CDK14: variants seen among roughly 807,000 people sequenced by gnomAD.
CDK14 encodes the protein cyclin dependent kinase 14.
CDK14 carries 34 observed loss-of-function variants against 60.7 expected under a neutral mutation model. That is an observed-to-expected ratio of 0.56 (90% CI 0.43 to 0.75). The LOEUF is 0.75. CDK14 is among the 30% of genes least tolerant of loss of function. CDK14 has a pLI of 0.00. For synonymous variants in CDK14, 197 were observed against 203.7 expected (o/e 0.97, Z 0.28); for missense variants, 482 against 564.1 (o/e 0.85, Z 1.47).
intron 6 of CDK14, among the ~76,000 whole-genome samples, chr7:90,898,325 G>A (rs1183691543): frequency 1.3e-5 from 2 of 152,050 alleles, no homozygotes; most frequent in South Asian, 2.1e-4. Context: ...GCTAATTTCT[G>A]CATTGTATCC....
intron 5 of CDK14, among the ~76,000 whole-genome samples, chr7:90,799,383 T>A (rs73220817): frequency 0.14 from 20,855 of 152,076 alleles, 1,679 homozygotes; most frequent in Middle Eastern, 0.24. Context: ...CGCTAGCATG[T>A]GGTAGAGCTA....
chr7:90,763,121 G>A (rs1005974832), intron 4 of CDK14, among the ~76,000 whole-genome samples: 13 of 151,360 alleles, frequency 8.6e-5, no homozygotes, highest in Admixed American at 5.3e-4. Flanking sequence ...CAACTTTATT[G>A]TATACACACC....
chr7:90,623,797 A>T (rs186116159), intron 2 of CDK14, among the ~76,000 whole-genome samples: 1 of 152,228 alleles, frequency 6.6e-6, no homozygotes, highest in Admixed American at 6.5e-5. Context: ...ATCAGTGCTT[A>T]TTATCTCTCA....
At chr7:90,649,366 T>TTCCTTCCTTTCCTTCC (rs1491135766) in intron 2 of CDK14, among the ~76,000 whole-genome samples, 1 of 22,178 alleles carries the variant, frequency 4.5e-5, no homozygotes, top group Non-Finnish European at 7.1e-5. Flanking sequence ...CCTTCCTTCC[T>TTCCTTCCTTTCCTTCC]TTCCTTCCTT....
chr7:90,768,957 TTC>T (rs2116885492), intron 4 of CDK14, among the ~76,000 whole-genome samples: 1 of 152,230 alleles, frequency 6.6e-6, no homozygotes, highest in South Asian at 2.1e-4. Flanking sequence ...TATAGCTACA[TTC>T]CAGGCTTTTT....
chr7:90,652,530 C>G (rs1394159727), intron 2 of CDK14, among the ~76,000 whole-genome samples: 1 of 152,180 alleles, frequency 6.6e-6, no homozygotes, highest in Non-Finnish European at 1.5e-5. Flanking sequence ...AATGACTCAG[C>G]TCTTGCCTGC....
At chr7:90,673,039 A>T (rs1801129133) in intron 2 of CDK14, among the ~76,000 whole-genome samples, 1 of 152,104 alleles carries the variant, frequency 6.6e-6, no homozygotes, top group Non-Finnish European at 1.5e-5. Flanking sequence ...CAGTAAATTT[A>T]CTAGTAAGGA....
At chr7:91,058,728 C>G (rs1797671158) in intron 11 of CDK14, among the ~76,000 whole-genome samples, 1 of 152,194 alleles carries the variant, frequency 6.6e-6, no homozygotes, top group Non-Finnish European at 1.5e-5. Context: ...ATATGTTGAA[C>G]CAGCCTTGCA....
intron 14 of CDK14, among the ~76,000 whole-genome samples, chr7:91,176,872 C>T (rs1263259703): frequency 3.3e-5 from 5 of 152,070 alleles, no homozygotes; most frequent in Non-Finnish European, 5.9e-5. Flanking sequence ...CCGAATTCTA[C>T]CAGAGGTACA....
At chr7:91,182,107 C>G (rs542221524) in intron 14 of CDK14, among the ~76,000 whole-genome samples, 1 of 152,108 alleles carries the variant, frequency 6.6e-6, no homozygotes, top group South Asian at 2.1e-4. Context: ...TTTCTACACA[C>G]TGGAAATTAT....
intron 9 of CDK14, among the ~76,000 whole-genome samples, chr7:90,973,477 A>G (rs2117637213): frequency 6.6e-6 from 1 of 152,230 alleles, no homozygotes; most frequent in African/African-American, 2.4e-5. Context: ...GTTTTCTGAC[A>G]TTTTCATTGC....
At position 91,165,413 on chromosome 7, in the gene CDK14, G is replaced by T. The variant is rs188951096; in HGVS notation, c.*29-41752G>T. On this transcript the variant is annotated intron_variant, in intron 14 of 14. Coordinates refer to ENST00000380050, the MANE Select transcript of CDK14 (RefSeq NM_001287135.2). Reference sequence around the variant, plus strand: ...ATACATGAGTTTTGGGCTAAACCTTGTCACTAACTAGCTGTGGCCTTGAGC... The same window carrying T: ...ATACATGAGTTTTGGGCTAAACCTTTTCACTAACTAGCTGTGGCCTTGAGC... Among the ~76,000 whole-genome samples, 13 of 152,300 alleles carry T rather than the reference G, an allele frequency of 8.5e-5. No homozygotes were observed. In the East Asian group the frequency reaches 2.5e-3, roughly 29 times the overall value.
chr7:90,938,577 T>G, intron 8 of CDK14, among the ~76,000 whole-genome samples: 1 of 152,304 alleles, frequency 6.6e-6, no homozygotes, highest in East Asian at 1.9e-4. Flanking sequence ...GTCAATAATT[T>G]TTTTTAAAAA....
intron 5 of CDK14, among the ~76,000 whole-genome samples, chr7:90,814,573 G>GGCT (rs1422548627): frequency 1.3e-5 from 2 of 152,048 alleles, no homozygotes; most frequent in East Asian, 3.9e-4. Context: ...GCTGAGGTCA[G>GGCT]GAGTTCGAGA....
At chr7:90,821,046 A>G (rs1287242575) in intron 5 of CDK14, among the ~76,000 whole-genome samples, 3 of 152,114 alleles carry the variant, frequency 2.0e-5, no homozygotes, top group East Asian at 3.9e-4. Context: ...CTATTATCCT[A>G]TTCAGTTATA....
At chr7:91,033,736 A>G (rs1000016967) in intron 10 of CDK14, among the ~76,000 whole-genome samples, 2 of 152,184 alleles carry the variant, frequency 1.3e-5, no homozygotes, top group African/African-American at 4.8e-5. Context: ...ACCTCCCTCC[A>G]GCCTCTGCAG....
At chr7:90,896,196 A>G (rs75797009) in intron 6 of CDK14, among the ~76,000 whole-genome samples, 29 of 152,196 alleles carry the variant, frequency 1.9e-4, no homozygotes, top group African/African-American at 6.5e-4. Context: ...TGCTCTGACC[A>G]AATTTAATTG....
At chr7:91,120,239 A>G (rs1799739995) in intron 14 of CDK14, among the ~76,000 whole-genome samples, 1 of 152,164 alleles carries the variant, frequency 6.6e-6, no homozygotes, top group Non-Finnish European at 1.5e-5. Context: ...AGCTGCTAGA[A>G]CGTGTTTCAG....
chr7:91,158,079 ATTATAT>A (rs1801039294), intron 14 of CDK14, among the ~76,000 whole-genome samples: 2 of 65,634 alleles, frequency 3.0e-5, no homozygotes, highest in Non-Finnish European at 1.2e-4. Flanking sequence ...ATATACATTA[ATTATAT>A]ACATTAAATA....
Sources: gnomAD v4.1 joint callset for allele counts (sites outside exome capture counted in the v4.1 genomes callset) on GRCh38, gnomAD v4.1.1 for gene constraint, MANE v1.5 for transcripts, NCBI Gene and HGNC (gene_info 2026-07-23, HGNC 2026-07-21) for gene names.